Variants in PPP1R1C observed in about 807,000 individuals in gnomAD.
PPP1R1C encodes protein phosphatase 1 regulatory inhibitor subunit 1C.
In PPP1R1C, 15 loss-of-function variants were observed where a neutral mutation model predicts 17.4. That is an observed-to-expected ratio of 0.86 (90% confidence interval 0.58 to 1.33). The LOEUF is 1.33. Among genes scored for constraint, PPP1R1C ranks in the 40% most tolerant of loss-of-function variants. The pLI, the probability that PPP1R1C is intolerant of heterozygous loss-of-function variation, is 0.00. For missense variants in PPP1R1C, 143 were observed against 130.0 expected (o/e 1.10, Z -0.48); for synonymous variants, 35 against 43.1 (o/e 0.81, Z 0.73).
At chr2:182,060,729 C>A (rs1193284913) in intron 2 of PPP1R1C, among the ~76,000 whole-genome samples, 1 of 152,036 alleles carries the variant, frequency 6.6e-6, no homozygotes, top group Non-Finnish European at 1.5e-5. Context: ...GAGCCTTGGG[C>A]CTAGCATAAG....
At chr2:182,096,794 G>A (rs76120442) in intron 4 of PPP1R1C, among the ~76,000 whole-genome samples, 2,299 of 152,188 alleles carry the variant, frequency 0.015, 150 homozygotes, top group Admixed American at 0.12. Context: ...ACACACATTT[G>A]TTATCAAGTA....
chr2:182,063,920 T>C lies in PPP1R1C; in HGVS notation c.241+129T>C, dbSNP rs142278866. 1.2e-3 allele frequency: 880 copies of C among 718,276 alleles called. 7 individuals carry two copies. The African/African-American group carries it at 0.014, about 11-fold the overall frequency. 44.5% of individuals were successfully genotyped at this position (718,276 alleles called of 1,614,324 possible). On this transcript the variant is annotated intron_variant, in intron 4 of 4. Coordinates refer to ENST00000682840, the MANE Select transcript of PPP1R1C (RefSeq NM_001080545.3). ...TCAGCTCTACAACTTAACAGTGTTA[T>C]GTTCAGTAAGATATCTTATCTACTT...
At chr2:181,969,051 G>T (rs1310301036) in intron 1 of PPP1R1C, among the ~76,000 whole-genome samples, 2 of 151,928 alleles carry the variant, frequency 1.3e-5, no homozygotes, top group African/African-American at 4.8e-5. Flanking sequence ...GTGTCTTATT[G>T]TACTTCTTAT....
intron 1 of PPP1R1C, among the ~76,000 whole-genome samples, chr2:181,972,895 C>T (rs1685036261): frequency 2.0e-5 from 3 of 152,168 alleles, no homozygotes; most frequent in Admixed American, 6.5e-5. Flanking sequence ...TAGCACATTA[C>T]AACCTGCTAG....
At chr2:182,033,301 T>C (rs1377491509) in intron 2 of PPP1R1C, among the ~76,000 whole-genome samples, 1 of 152,216 alleles carries the variant, frequency 6.6e-6, no homozygotes, top group Non-Finnish European at 1.5e-5. Flanking sequence ...TAATTTTATT[T>C]ACTCTCATAG....
rs149096061 is a variant in PPP1R1C at position 182,014,315 on chromosome 2, G to A, written c.142+26416G>A. Among the ~76,000 whole-genome samples, 538 of 152,244 alleles carry A rather than the reference G, an allele frequency of 3.5e-3. 6 individuals carry two copies. The highest frequency in any genetic ancestry group is 0.012 in the African/African-American group (478 of 41,556). ...AGACTCATAGAGGTACTGCCTTGGG[G>A]GTCTTGTTAAAATCTGAGGGACTTT... On this transcript the variant is annotated intron_variant, in intron 2 of 4. Coordinates refer to ENST00000682840, the MANE Select transcript of PPP1R1C (RefSeq NM_001080545.3).
intron 1 of PPP1R1C, among the ~76,000 whole-genome samples, chr2:181,960,842 A>C (rs1684765595): frequency 6.6e-6 from 1 of 152,332 alleles, no homozygotes; most frequent in African/African-American, 2.4e-5. Context: ...AAATCATGAA[A>C]ATTATGAAAC....
At chr2:181,989,274 T>C (rs1466647958) in intron 2 of PPP1R1C, among the ~76,000 whole-genome samples, 1 of 152,206 alleles carries the variant, frequency 6.6e-6, no homozygotes, top group Non-Finnish European at 1.5e-5. Context: ...TGAAGTCATG[T>C]AAGTGACCTT....
intron 1 of PPP1R1C, among the ~76,000 whole-genome samples, chr2:181,960,151 T>A (rs1678593151): frequency 6.6e-6 from 1 of 152,216 alleles, no homozygotes; most frequent in Non-Finnish European, 1.5e-5. Flanking sequence ...TTATCAGAGA[T>A]TTGTAGAGTT....
At chr2:182,025,372 C>A (rs1341196229) in intron 2 of PPP1R1C, among the ~76,000 whole-genome samples, 1 of 138,586 alleles carries the variant, frequency 7.2e-6, no homozygotes, top group Non-Finnish European at 1.5e-5. Flanking sequence ...CCCAACCCCA[C>A]CACAGTCCCC....
At chr2:182,047,671 C>T (rs1281676355) in intron 2 of PPP1R1C, among the ~76,000 whole-genome samples, 1 of 152,112 alleles carries the variant, frequency 6.6e-6, no homozygotes, top group African/African-American at 2.4e-5. Context: ...AGTTCTTTGG[C>T]TCTCATATAA....
rs976956425 is a variant in PPP1R1C, at chr2:181,967,951, G to A, written n.112-7268G>A. Among the ~76,000 whole-genome samples the A allele has an allele frequency of 2.0e-5, 3 of 152,188 alleles. No homozygotes were observed. Among genetic ancestry groups the A allele is most frequent in the African/African-American group, 7.2e-5 (3 of 41,440 alleles). On this transcript the variant is annotated intron_variant and non_coding_transcript_variant, in intron 1 of 5. Coordinates refer to the PPP1R1C transcript ENST00000464264. The surrounding 1 kb of genome is among the most constrained non-coding windows in gnomAD (Gnocchi z 5.5). Reference sequence around the variant, plus strand: ...GCTGGTCTCAAACTCCCAATCTCAGGTGATCCACCCGCCTTGGTCTCCCAA... The same window carrying A: ...GCTGGTCTCAAACTCCCAATCTCAGATGATCCACCCGCCTTGGTCTCCCAA...
intron 1 of PPP1R1C, among the ~76,000 whole-genome samples, chr2:181,968,298 A>G (rs1241949131): frequency 6.6e-6 from 1 of 152,190 alleles, no homozygotes; most frequent in African/African-American, 2.4e-5. Context: ...GGGGTGTTGA[A>G]GTCTCCAGCT....
intron 2 of PPP1R1C, among the ~76,000 whole-genome samples, chr2:182,009,740 A>T (rs1299583726): frequency 6.6e-6 from 1 of 152,030 alleles, no homozygotes; most frequent in African/African-American, 2.4e-5. Flanking sequence ...GTTTTCTCTT[A>T]GTTTCATAAT....
chr2:182,053,952 A>G (rs1687605460), intron 2 of PPP1R1C, among the ~76,000 whole-genome samples: 1 of 151,464 alleles, frequency 6.6e-6, no homozygotes, highest in African/African-American at 2.4e-5. Flanking sequence ...GGCTAATTTT[A>G]TATTTTCCTC....
At chr2:181,978,539 G>A (rs1404464858) in intron 2 of PPP1R1C, among the ~76,000 whole-genome samples, 1 of 152,192 alleles carries the variant, frequency 6.6e-6, no homozygotes, top group African/African-American at 2.4e-5. Context: ...TCAGTTGAGG[G>A]TGCCCACTGG....
intron 2 of PPP1R1C, among the ~76,000 whole-genome samples, chr2:182,015,725 T>TG (rs761088135): frequency 6.6e-6 from 1 of 152,090 alleles, no homozygotes; most frequent in African/African-American, 2.4e-5. Context: ...GGGCCTGGAA[T>TG]GGGGGGTCTT....
intron 4 of PPP1R1C, among the ~76,000 whole-genome samples, chr2:182,072,005 T>A (rs1233042509): frequency 2.0e-5 from 3 of 152,222 alleles, no homozygotes; most frequent in Non-Finnish European, 2.9e-5. Context: ...TTTGAATTCC[T>A]ATTTGAGTCA....
chr2:181,973,870 C>G (rs1046443805), intron 1 of PPP1R1C, among the ~76,000 whole-genome samples: 1 of 152,076 alleles, frequency 6.6e-6, no homozygotes, highest in Admixed American at 6.6e-5. Flanking sequence ...ATTTACATCC[C>G]TGTTTTCTTT....
Sources: gnomAD v4.1 joint callset for allele counts (sites outside exome capture counted in the v4.1 genomes callset) on GRCh38, gnomAD v4.1.1 for gene constraint, Gnocchi (gnomAD v3.1) non-coding constraint, MANE v1.5 for transcripts, NCBI Gene and HGNC (gene_info 2026-07-23, HGNC 2026-07-21) for gene names.